TRRAP: variants seen among roughly 807,000 people sequenced by gnomAD.
TRRAP encodes the protein transformation/transcription domain associated protein, also known as transformation/transcription domain-associated protein.
In TRRAP, 41 loss-of-function variants were observed where a neutral mutation model predicts 438.8. That is an observed-to-expected ratio of 0.09 (90% CI 0.07 to 0.12). The LOEUF is 0.12. Among genes scored for constraint, TRRAP ranks in the 10% least tolerant of loss-of-function variants. The probability of loss-of-function intolerance (pLI) is 1.00; values close to 1 mark genes in which losing one functional copy is unlikely to be tolerated. For missense variants in TRRAP, 3,122 were observed against 5,055.1 expected (o/e 0.62, Z 11.60); for synonymous variants, 1,994 against 1,962.9 (o/e 1.02, Z -0.42).
At chr7:98,925,609 C>G (rs889223790) in intron 22 of TRRAP, among the ~76,000 whole-genome samples, 22 of 152,156 alleles carry the variant, frequency 1.4e-4, no homozygotes, top group African/African-American at 5.3e-4. Flanking sequence ...TGCAGTGGAC[C>G]CTCTGCATTT....
chr7:98,925,548 C>G (rs1751135201), intron 22 of TRRAP, among the ~76,000 whole-genome samples: 1 of 152,192 alleles, frequency 6.6e-6, no homozygotes, highest in Non-Finnish European at 1.5e-5. Context: ...TGTCCCTTCT[C>G]CCTCCCTTTG....
chr7:98,917,000 C>G (rs1789546002), intron 19 of TRRAP, among the ~76,000 whole-genome samples: 1 of 152,156 alleles, frequency 6.6e-6, no homozygotes, highest in South Asian at 2.1e-4. Flanking sequence ...TCAGTAAATC[C>G]TTAACTGTCC....
chr7:98,881,661 T>C, intron 2 of TRRAP: 1 of 332,722 alleles, frequency 3.0e-6, no homozygotes, highest in Middle Eastern at 3.6e-4. Context: ...TAACAGTAAC[T>C]TTTATTCTCA....
chr7:98,917,830 A>G, intron 20 of TRRAP, 151 bp downstream of exon 20: 3 of 1,199,982 alleles, frequency 2.5e-6, no homozygotes, highest in Non-Finnish European at 3.4e-6. Context: ...GGATTGAAAT[A>G]TGTAAAGAAG....
chr7:99,000,378 A>G (rs1329258546), intron 67 of TRRAP, among the ~76,000 whole-genome samples: 1 of 152,190 alleles, frequency 6.6e-6, no homozygotes, highest in Non-Finnish European at 1.5e-5. Context: ...GAGACTGCCA[A>G]AGCCGGGTAA....
rs984354242 is a variant in TRRAP, at chr7:98,962,692, C to T, written c.6829+265C>T. Among the ~76,000 whole-genome samples, 4 of 152,214 alleles carry T rather than the reference C, an allele frequency of 2.6e-5. No homozygotes were observed. In the East Asian group the frequency reaches 7.7e-4, roughly 29 times the overall value. On this transcript the variant is annotated intron_variant, in intron 47 of 72. Transcript: ENST00000456197. ...GGGATGTTGCCAGGGTGCATGTGTC[C>T]TGCCACCCCAGTGTCACACTAAACA...
At chr7:98,914,267 G>GT (rs1451828682) in intron 18 of TRRAP, among the ~76,000 whole-genome samples, 4 of 151,934 alleles carry the variant, frequency 2.6e-5, no homozygotes, top group Non-Finnish European at 5.9e-5. Context: ...GGATGTGGTG[G>GT]TGTGCACCTG....
chr7:98,972,333 G>A lies in TRRAP; in HGVS notation c.7839+388G>A, dbSNP rs145827885. 2.2e-3 allele frequency among the ~76,000 whole-genome samples: 336 copies of A among 152,310 alleles called. 7 individuals are homozygous for A. In the East Asian group the frequency reaches 0.037, roughly 17 times the overall value. ...GCTGGGATTATAGGCGTGAAGCAGA[G>A]ATTTGGAGTGTCACAGTGTCTTATA... On this transcript the variant is annotated intron_variant, in intron 53 of 72. Transcript: ENST00000456197.
chr7:98,929,666 G>T (rs1386064218), intron 23 of TRRAP, among the ~76,000 whole-genome samples: 1 of 151,482 alleles, frequency 6.6e-6, no homozygotes, highest in Admixed American at 6.6e-5. Flanking sequence ...GCAGTGGTGT[G>T]ATCTGCAACC....
intron 27 of TRRAP, among the ~76,000 whole-genome samples, chr7:98,934,701 C>G (rs1790481289): frequency 6.6e-6 from 1 of 152,178 alleles, no homozygotes; most frequent in South Asian, 2.1e-4. Context: ...GAAAGCTTCC[C>G]AGGTGATGCT....
intron 25 of TRRAP, among the ~76,000 whole-genome samples, chr7:98,931,189 G>C (rs1017016626): frequency 3.1e-4 from 47 of 152,220 alleles, no homozygotes; most frequent in African/African-American, 1.1e-3. Flanking sequence ...AGCTTATCTG[G>C]TGAATGCAGG....
chr7:98,903,537 T>C lies in TRRAP; in HGVS notation c.1036+20T>C, dbSNP rs1241491796. ...GAAACCGTACGTCCAGCCTGTCTTGTCTTGAATGCTGATGCTAGTCCTGTG... is the reference window on the plus strand; with the variant it reads ...GAAACCGTACGTCCAGCCTGTCTTGCCTTGAATGCTGATGCTAGTCCTGTG... On this transcript the variant is annotated intron_variant, in intron 12 of 72. Coordinates refer to ENST00000456197, the MANE Select transcript of TRRAP (RefSeq NM_001375524.1). The C allele has an allele frequency of 5.0e-6, 8 of 1,613,624 alleles. No homozygotes were observed. The highest frequency in any genetic ancestry group is 6.8e-6 in the Non-Finnish European group (8 of 1,179,880).
rs1554418562 is a variant in TRRAP at position 98,953,056 on chromosome 7, TG to T, written c.5464-110del. ...TTGTGTGTGTGTGTGTGTGTGTGTGTGTGTGTGTGTGTGTGTGTGTGTGTTT... is the reference window on the plus strand; with the variant it reads ...TTGTGTGTGTGTGTGTGTGTGTGTGTTGTGTGTGTGTGTGTGTGTGTGTTT... On this transcript the variant is annotated intron_variant, in intron 39 of 72. Transcript: ENST00000456197. The T allele has an allele frequency of 1.5e-3, 80 of 51,774 alleles. 1 individual carries two copies. The highest frequency in any genetic ancestry group is 6.5e-3 in the Non-Finnish European group (72 of 10,994). 3.2% of individuals were successfully genotyped at this position (51,774 alleles called of 1,614,324 possible).
intron 1 of TRRAP, among the ~76,000 whole-genome samples, chr7:98,880,364 A>G (rs1254099627): frequency 6.7e-6 from 1 of 149,778 alleles, no homozygotes; most frequent in African/African-American, 2.4e-5. Context: ...CCTGGGTTCA[A>G]GTGATTCTCC....
chr7:98,913,185 G>C (rs59918439), intron 18 of TRRAP, among the ~76,000 whole-genome samples: 1,855 of 152,252 alleles, frequency 0.012, 40 homozygotes, highest in African/African-American at 0.043. Context: ...CAGTCTTGGG[G>C]TCTGTTGCAA....
intron 18 of TRRAP, among the ~76,000 whole-genome samples, chr7:98,912,835 GAA>G (rs1177886267): frequency 6.7e-6 from 1 of 150,050 alleles, no homozygotes; most frequent in Non-Finnish European, 1.5e-5. Flanking sequence ...GCTTTTCAGG[GAA>G]AAAAAAACAT....
chr7:98,987,404 T>C (rs1221845895), intron 62 of TRRAP, among the ~76,000 whole-genome samples: 2 of 152,236 alleles, frequency 1.3e-5, no homozygotes, highest in African/African-American at 4.8e-5. Context: ...AACAATGTTT[T>C]TTAGTTTTTA....
intron 49 of TRRAP, among the ~76,000 whole-genome samples, chr7:98,966,568 C>G (rs1792169159): frequency 6.6e-6 from 1 of 151,964 alleles, no homozygotes; most frequent in African/African-American, 2.4e-5. Flanking sequence ...GCCTGTAATC[C>G]CGGCTGCTCA....
chr7:98,899,552 T>C, intron 9 of TRRAP, 53 bp downstream of exon 9: 5 of 1,608,700 alleles, frequency 3.1e-6, no homozygotes, highest in South Asian at 1.1e-5. Flanking sequence ...ATAAGAAAAT[T>C]GGCATCTGGG....
Sources: allele counts gnomAD v4.1 joint callset (sites outside exome capture counted in the v4.1 genomes callset), GRCh38; gene constraint gnomAD v4.1.1; transcripts MANE v1.5; gene names NCBI Gene and HGNC (gene_info 2026-07-23, HGNC 2026-07-21).